FANCB: variants seen among roughly 807,000 people sequenced by gnomAD.
FANCB encodes Fanconi anemia group B protein.
In FANCB, 5 loss-of-function variants were observed where a neutral mutation model predicts 38.9. The observed-to-expected ratio is 0.13, with a 90% CI of 0.07 to 0.27. FANCB has a LOEUF of 0.27. Among genes scored for constraint, FANCB ranks in the 10% least tolerant of loss-of-function variants. FANCB has a pLI of 1.00. For synonymous variants in FANCB, 236 were observed against 215.4 expected (o/e 1.10, Z -0.84); for missense variants, 573 against 602.7 (o/e 0.95, Z 0.52).
chrX:14,845,398 G>C, intron 7 of FANCB, 112 bp from the exon 8 acceptor site: 1 of 591,128 alleles, frequency 1.7e-6, no homozygotes, highest in Non-Finnish European at 2.8e-6. Context: ...TCCTTTCCTA[G>C]AAAACATCAT....
At chrX:14,707,784 G>C in the FANCB span, among the ~76,000 whole-genome samples, 2 of 107,971 alleles carry the variant, frequency 1.9e-5, no homozygotes, top group Non-Finnish European at 3.8e-5. Context: ...GCACGCGCGC[G>C]TGTTGCATGC....
At chrX:14,797,007 T>C in the FANCB span, among the ~76,000 whole-genome samples, 1 of 111,595 alleles carries the variant, frequency 9.0e-6, no homozygotes, top group Middle Eastern at 4.6e-3. Flanking sequence ...TCTGTTTAGG[T>C]CTTCAATCAA....
At chrX:14,697,330 A>G in the FANCB span, among the ~76,000 whole-genome samples, 1 of 112,021 alleles carries the variant, frequency 8.9e-6, no homozygotes, top group Admixed American at 9.5e-5. Context: ...TTTTATTAAT[A>G]GTTGCATTAA....
the FANCB span, among the ~76,000 whole-genome samples, chrX:14,693,553 A>G: frequency 8.9e-6 from 1 of 112,133 alleles, no homozygotes; most frequent in Non-Finnish European, 1.9e-5. Context: ...TCAGCAACTG[A>G]TAGAAAAAAA....
chrX:14,745,161 TC>T, the FANCB span, among the ~76,000 whole-genome samples: 2 of 111,092 alleles, frequency 1.8e-5, no homozygotes, highest in African/African-American at 6.6e-5. Flanking sequence ...CAGATATACT[TC>T]CCCCTGTTAA....
At position 14,850,944 on chromosome X, in the gene FANCB, C is replaced by T. The variant is rs771652792; in HGVS notation, c.1327-270G>A. Reference sequence around the variant, plus strand: ...AACAAAGAGCCAAAAGGGAGGTAAACCTGGAGTCCATTTTGAAAAAAAAAA... The same window carrying T: ...AACAAAGAGCCAAAAGGGAGGTAAATCTGGAGTCCATTTTGAAAAAAAAAA... On this transcript the variant is annotated intron_variant, in intron 6 of 9. Transcript: ENST00000650831. Among the ~76,000 whole-genome samples, 20 of 110,523 alleles carry T rather than the reference C, an allele frequency of 1.8e-4. 1 individual carries two copies. In the South Asian group the frequency reaches 2.7e-3, roughly 15 times the overall value.
chrX:14,775,160 G>GTTTTTTTTTTTT, the FANCB span, among the ~76,000 whole-genome samples: 30 of 35,006 alleles, frequency 8.6e-4, 3 homozygotes, highest in Non-Finnish European at 1.5e-3. Context: ...TTTCTCTAAT[G>GTTTTTTTTTTTT]TTTTTTTTTT....
chrX:14,737,670 T>A, the FANCB span, among the ~76,000 whole-genome samples: 1 of 112,423 alleles, frequency 8.9e-6, no homozygotes, highest in African/African-American at 3.2e-5. Flanking sequence ...TATTAAATTC[T>A]CAATAACTAA....
downstream of FANCB, among the ~76,000 whole-genome samples, chrX:14,839,060 G>A (rs12014166): frequency 4.5e-5 from 5 of 111,377 alleles, no homozygotes; most frequent in East Asian, 2.8e-4. Flanking sequence ...GGAGGAGGTC[G>A]AGGAGGGCGG....
the FANCB span, among the ~76,000 whole-genome samples, chrX:14,784,710 C>G: frequency 8.9e-6 from 1 of 112,193 alleles, no homozygotes; most frequent in Non-Finnish European, 1.9e-5. Flanking sequence ...AAGACACATG[C>G]ACGCATATGT....
chrX:14,830,232 A>C, the FANCB span, among the ~76,000 whole-genome samples: 7 of 111,899 alleles, frequency 6.3e-5, no homozygotes, highest in Non-Finnish European at 1.1e-4. Context: ...GTCAAAGATC[A>C]CTGATCACAG....
At chrX:14,850,457 A>G in intron 7 of FANCB, 48 bp downstream of exon 7, 2 of 984,075 alleles carry the variant, frequency 2.0e-6, no homozygotes, top group Non-Finnish European at 2.9e-6. Context: ...ATTGGACAGT[A>G]CTGTTCTGGA....
At chrX:14,772,678 T>C in the FANCB span, among the ~76,000 whole-genome samples, 31 of 111,280 alleles carry the variant, frequency 2.8e-4, no homozygotes, top group African/African-American at 9.8e-4. Context: ...TATGTACAAA[T>C]GGATTTCCTG....
chrX:14,844,086 A>T, intron 9 of FANCB, 105 bp from the exon 10 acceptor site: 1 of 649,066 alleles, frequency 1.5e-6, no homozygotes. Context: ...TAAACACCAT[A>T]ATGATAAACA....
At chrX:14,768,092 A>G in the FANCB span, among the ~76,000 whole-genome samples, 1 of 111,667 alleles carries the variant, frequency 9.0e-6, no homozygotes. Flanking sequence ...AGGCTTGTAT[A>G]GTTTGAAGTT....
chrX:14,837,970 G>A (rs1161702765), intron 10 of FANCB, among the ~76,000 whole-genome samples: 2 of 112,388 alleles, frequency 1.8e-5, no homozygotes, highest in Admixed American at 1.9e-4. Context: ...AATGTTCTCT[G>A]CAGTGATCAA....
chrX:14,859,033 A>G, intron 4 of FANCB, 149 bp downstream of exon 4: 2 of 393,071 alleles, frequency 5.1e-6, no homozygotes. Flanking sequence ...TTCAATGTAT[A>G]TATTTAAAAG....
the FANCB span, among the ~76,000 whole-genome samples, chrX:14,795,786 G>A: frequency 1.8e-5 from 2 of 111,879 alleles, no homozygotes; most frequent in African/African-American, 3.2e-5. Flanking sequence ...CAGAATTACC[G>A]GAGCTGGAAA....
At chrX:14,867,106 T>A (rs1381545451) in intron 2 of FANCB, among the ~76,000 whole-genome samples, 1 of 111,576 alleles carries the variant, frequency 9.0e-6, no homozygotes, top group Non-Finnish European at 1.9e-5. Context: ...AATGGAAAGA[T>A]CCCATGCTCA....
Sources: allele counts gnomAD v4.1 joint callset (sites outside exome capture counted in the v4.1 genomes callset), GRCh38; gene constraint gnomAD v4.1.1; transcripts MANE v1.5; gene names NCBI Gene and HGNC (gene_info 2026-07-23, HGNC 2026-07-21).